The following TMEM164 variants were observed in gnomAD, a reference collection of about 807,000 sequenced individuals.
The protein encoded by TMEM164 is RP13-360B22.2.
TMEM164 carries 4 observed loss-of-function variants against 18.8 expected under a neutral mutation model. The observed-to-expected ratio is 0.21, with a 90% CI of 0.10 to 0.49. TMEM164 has a LOEUF of 0.49. Among genes scored for constraint, TMEM164 ranks in the 20% least tolerant of loss-of-function variants. The pLI, the probability that TMEM164 is intolerant of heterozygous loss-of-function variation, is 0.98. For synonymous variants in TMEM164, 86 were observed against 101.7 expected (o/e 0.85, Z 0.93); for missense variants, 108 against 239.9 (o/e 0.45, Z 3.63).
intron 5 of TMEM164, among the ~76,000 whole-genome samples, chrX:110,170,141 T>G (rs1392186359): frequency 8.9e-6 from 1 of 112,580 alleles, no homozygotes; most frequent in Non-Finnish European, 1.9e-5. Context: ...GCCCCACTCT[T>G]GTCTGTCTCC....
chrX:110,090,669 A>G (rs1324385635), intron 3 of TMEM164, among the ~76,000 whole-genome samples: 1 of 111,513 alleles, frequency 9.0e-6, no homozygotes, highest in East Asian at 2.8e-4. Context: ...GAATACTTGT[A>G]TAGCTTCTGC....
chrX:110,089,734 C>T (rs2065899586), intron 3 of TMEM164, among the ~76,000 whole-genome samples: 2 of 111,735 alleles, frequency 1.8e-5, no homozygotes, highest in African/African-American at 3.3e-5. Context: ...GTTATAGTTG[C>T]GGTTCTGCTT....
chrX:110,078,213 G>A (rs2065700718), intron 3 of TMEM164, among the ~76,000 whole-genome samples: 1 of 111,682 alleles, frequency 9.0e-6, no homozygotes, highest in Non-Finnish European at 1.9e-5. Context: ...ACCATTCTTT[G>A]AGGTCTGAAT....
At chrX:110,138,506 G>A (rs1482572530) in intron 4 of TMEM164, among the ~76,000 whole-genome samples, 1 of 111,550 alleles carries the variant, frequency 9.0e-6, no homozygotes, top group East Asian at 2.8e-4. Context: ...AGCTATAGAA[G>A]AGGAACATGG....
At chrX:110,178,173 A>C (rs1020976518), downstream of TMEM164, among the ~76,000 whole-genome samples, 1 of 112,439 alleles carries the variant, frequency 8.9e-6, no homozygotes, top group African/African-American at 3.2e-5. Context: ...ACAGGCCTGC[A>C]CCCAGCATGG....
At chrX:110,087,165 C>A (rs1446095027) in intron 3 of TMEM164, among the ~76,000 whole-genome samples, 1 of 111,660 alleles carries the variant, frequency 9.0e-6, no homozygotes, top group Non-Finnish European at 1.9e-5. Flanking sequence ...ACTAGAAGAT[C>A]CTAGCATTTT....
intron 2 of TMEM164, among the ~76,000 whole-genome samples, chrX:110,062,995 A>T (rs1212280586): frequency 5.4e-5 from 6 of 111,509 alleles, no homozygotes; most frequent in Non-Finnish European, 1.1e-4. Context: ...TATGAAGTAG[A>T]TGGAGTCATA....
At chrX:110,094,713 C>T (rs902348424) in intron 3 of TMEM164, among the ~76,000 whole-genome samples, 1 of 111,623 alleles carries the variant, frequency 9.0e-6, no homozygotes, top group South Asian at 3.7e-4. Flanking sequence ...GAATTTGATC[C>T]TGTCATTATG....
chrX:110,098,535 T>C (rs919403719), intron 3 of TMEM164, among the ~76,000 whole-genome samples: 7 of 111,680 alleles, frequency 6.3e-5, no homozygotes, highest in Non-Finnish European at 1.3e-4. Context: ...CAAATAGTTT[T>C]CCAAATCAGT....
At chrX:110,085,727 A>C (rs1342833919) in intron 3 of TMEM164, among the ~76,000 whole-genome samples, 3 of 111,408 alleles carry the variant, frequency 2.7e-5, no homozygotes, top group Non-Finnish European at 5.7e-5. Flanking sequence ...AGATGCTCTG[A>C]ACCAGATAAA....
chrX:110,123,938 C>G (rs776092517), intron 4 of TMEM164, among the ~76,000 whole-genome samples: 1 of 111,345 alleles, frequency 9.0e-6, no homozygotes, highest in African/African-American at 3.3e-5. Flanking sequence ...ATAGTGAGAC[C>G]GGTCTCTACC....
intron 2 of TMEM164, among the ~76,000 whole-genome samples, chrX:110,022,629 T>G (rs1933958603): frequency 8.9e-6 from 1 of 112,018 alleles, no homozygotes; most frequent in Non-Finnish European, 1.9e-5. Flanking sequence ...TGAGGAGAAC[T>G]GCCTGGCATT....
intron 4 of TMEM164, among the ~76,000 whole-genome samples, chrX:110,132,439 C>T (rs1463828780): frequency 1.8e-5 from 2 of 111,449 alleles, no homozygotes; most frequent in East Asian, 5.6e-4. Context: ...GGTTATTATT[C>T]TTTTTCTCTT....
intron 2 of TMEM164, among the ~76,000 whole-genome samples, chrX:110,045,241 C>A (rs1365659978): frequency 9.0e-6 from 1 of 111,708 alleles, no homozygotes; most frequent in African/African-American, 3.3e-5. Flanking sequence ...TCCCTCTTTA[C>A]CCCAGGGAGC....
chrX:110,005,730 T>A (rs1932663426), intron 2 of TMEM164, among the ~76,000 whole-genome samples: 1 of 111,859 alleles, frequency 8.9e-6, no homozygotes, highest in Admixed American at 9.5e-5. Context: ...CAGTCTTCTT[T>A]CTTTCTTTTT....
chrX:110,078,485 C>G (rs2065704950), intron 3 of TMEM164, among the ~76,000 whole-genome samples: 2 of 111,984 alleles, frequency 1.8e-5, no homozygotes, highest in African/African-American at 6.5e-5. Flanking sequence ...GGATCCATTG[C>G]TGTGGAGCTA....
chrX:110,161,351 A>G (rs1261409362), intron 5 of TMEM164, among the ~76,000 whole-genome samples: 1 of 111,364 alleles, frequency 9.0e-6, no homozygotes, highest in Admixed American at 9.5e-5. Context: ...CCCCTCTTCC[A>G]TGAGGCTTCC....
intron 2 of TMEM164, among the ~76,000 whole-genome samples, chrX:110,030,810 CAA>C (rs58149863): frequency 6.6e-4 from 45 of 68,629 alleles, no homozygotes; most frequent in South Asian, 8.3e-4. Flanking sequence ...GACTCTGTCT[CAA>C]AAAAAAAAAA....
At chrX:110,022,421 C>A (rs1436001993) in intron 2 of TMEM164, among the ~76,000 whole-genome samples, 1 of 111,427 alleles carries the variant, frequency 9.0e-6, no homozygotes, top group Non-Finnish European at 1.9e-5. Context: ...TACTCTGAAT[C>A]ATACAGCTTG....
Sources: gnomAD v4.1 joint callset for allele counts (sites outside exome capture counted in the v4.1 genomes callset) on GRCh38, gnomAD v4.1.1 for gene constraint, MANE v1.5 for transcripts, NCBI Gene and HGNC (gene_info 2026-07-23, HGNC 2026-07-21) for gene names.